Variants in PTPRN2 observed in about 807,000 individuals in gnomAD.
The protein encoded by PTPRN2 is receptor-type tyrosine-protein phosphatase N2.
A neutral mutation model predicts 118.8 loss-of-function variants in PTPRN2; 74 were observed. That is an observed-to-expected ratio of 0.62 (90% CI 0.52 to 0.76). PTPRN2 has a LOEUF of 0.76. Ranked by LOEUF, PTPRN2 falls within the 30% of genes least tolerant of loss-of-function variation. The pLI is 0.00. For missense variants in PTPRN2, 1,481 were observed against 1,394.4 expected (o/e 1.06, Z -0.99); for synonymous variants, 641 against 608.0 (o/e 1.05, Z -0.80).
intron 1 of PTPRN2, among the ~76,000 whole-genome samples, chr7:158,567,764 A>AC (rs954431196): frequency 9.9e-5 from 15 of 151,786 alleles, no homozygotes; most frequent in African/African-American, 2.7e-4. Context: ...TGGGGGCTGC[A>AC]CCCCCCCACA....
At chr7:157,661,370 C>T (rs1029367929) in intron 13 of PTPRN2, among the ~76,000 whole-genome samples, 1 of 152,178 alleles carries the variant, frequency 6.6e-6, no homozygotes, top group East Asian at 1.9e-4. Flanking sequence ...CAGAGGGAGA[C>T]GCTGCCGTGG....
In PTPRN2 at chr7:158,128,084, C is replaced by T. The variant is rs553772337; in HGVS notation, c.1556+5593G>A. Among the ~76,000 whole-genome samples, 110 of 152,284 alleles carry T rather than the reference C, an allele frequency of 7.2e-4. 1 individual carries two copies. Among genetic ancestry groups the T allele is most frequent in the Middle Eastern group, 3.4e-3 (1 of 294 alleles). ...GTGACACCGAGTTCTAAACCACATT[C>T]CTCTCCTTTCTGTGGGACAACCAAA... On this transcript the variant is annotated intron_variant, in intron 9 of 22. Transcript: ENST00000389418.
intron 2 of PTPRN2, among the ~76,000 whole-genome samples, chr7:158,343,467 G>A (rs771571722): frequency 5.2e-4 from 79 of 152,300 alleles, no homozygotes; most frequent in Admixed American, 1.4e-3. Context: ...GGGCAGGAAC[G>A]TAACCTGATG....
intron 21 of PTPRN2, among the ~76,000 whole-genome samples, chr7:157,553,244 C>G (rs1798719907): frequency 6.6e-6 from 1 of 152,176 alleles, no homozygotes; most frequent in African/African-American, 2.4e-5. Flanking sequence ...GTCCCTGAAA[C>G]TTCTTTTTTA....
chr7:157,746,391 A>C (rs1411974888), intron 12 of PTPRN2, among the ~76,000 whole-genome samples: 31 of 105,772 alleles, frequency 2.9e-4, no homozygotes, highest in South Asian at 6.4e-4. Context: ...AGATCACGGG[A>C]CTCCCCGCAC....
At chr7:157,614,176 G>A in intron 15 of PTPRN2, 13 of 462,658 alleles carry the variant, frequency 2.8e-5, no homozygotes, top group South Asian at 2.1e-4. Flanking sequence ...GGAGGGCCAG[G>A]GTGGAGCTCA....
intron 5 of PTPRN2, among the ~76,000 whole-genome samples, chr7:158,170,972 T>G (rs1375599130): frequency 4.7e-5 from 7 of 149,688 alleles, no homozygotes; most frequent in Non-Finnish European, 1.0e-4. Context: ...CCTTCATATA[T>G]ATACATACAT....
At chr7:158,171,308 C>CAT (rs71198580) in intron 5 of PTPRN2, among the ~76,000 whole-genome samples, 1,859 of 48,500 alleles carry the variant, frequency 0.038, 43 homozygotes, top group Middle Eastern at 0.062. Context: ...TATATACACA[C>CAT]ATATATATAT....
chr7:158,340,590 G>T (rs867815151), intron 2 of PTPRN2, among the ~76,000 whole-genome samples: 13 of 108,770 alleles, frequency 1.2e-4, no homozygotes, highest in South Asian at 6.8e-4. Context: ...GCCGACGCCC[G>T]CAGACATCAC....
intron 11 of PTPRN2, among the ~76,000 whole-genome samples, chr7:158,071,004 G>A (rs1811372601): frequency 1.2e-5 from 1 of 82,838 alleles, no homozygotes; most frequent in African/African-American, 5.9e-5. Context: ...GGTGCTCATG[G>A]TGGTGGAGGT....
intron 1 of PTPRN2, among the ~76,000 whole-genome samples, chr7:158,511,733 C>T (rs1406743252): frequency 6.6e-6 from 1 of 152,214 alleles, no homozygotes; most frequent in African/African-American, 2.4e-5. Flanking sequence ...GCAGCATGCT[C>T]ACAGCTCCTT....
In PTPRN2 at chr7:158,407,222, GTCCTGGGTCCTGGGTCCTGGGTCCTGC is replaced by G. The variant is rs1563254618; in HGVS notation, c.163+82486_163+82512del. On this transcript the variant is annotated intron_variant, in intron 2 of 22. Coordinates refer to ENST00000389418, the MANE Select transcript of PTPRN2 (RefSeq NM_002847.5). ...CTGGGTCCTGGGTCCTGCGTCCTGC[GTCCTGGGTCCTGGGTCCTGGGTCCTGC>G]GTCCTGGGTCCTGGGTCCTGGGTCC... Among the ~76,000 whole-genome samples the G allele has an allele frequency of 6.6e-4, 23 of 34,760 alleles. 1 individual carries two copies. Among genetic ancestry groups the G allele is most frequent in the African/African-American group, 2.2e-3 (21 of 9,698 alleles). The allele number at this position is 34,760 out of a possible 152,430, so 22.8% of individuals were successfully genotyped here.
chr7:157,624,893 C>A (rs1019064215), intron 14 of PTPRN2, among the ~76,000 whole-genome samples: 2 of 151,766 alleles, frequency 1.3e-5, no homozygotes, highest in Admixed American at 1.3e-4. Flanking sequence ...GAAAAAAAAA[C>A]ACAATCCTAT....
At chr7:157,597,217 A>G (rs1267121441) in intron 16 of PTPRN2, among the ~76,000 whole-genome samples, 1 of 152,242 alleles carries the variant, frequency 6.6e-6, no homozygotes, top group Non-Finnish European at 1.5e-5. Flanking sequence ...CTTTTTGTGC[A>G]TCTGATTTAG....
At chr7:158,389,328 A>C (rs1811746504) in intron 2 of PTPRN2, among the ~76,000 whole-genome samples, 1 of 152,272 alleles carries the variant, frequency 6.6e-6, no homozygotes, top group Non-Finnish European at 1.5e-5. Context: ...GACCACACGA[A>C]GTGAAAGCGC....
chr7:158,081,313 C>A lies in PTPRN2; in HGVS notation c.1708G>T (p.Val570Leu). The change falls in exon 11 of 23, where the codon GTG (valine) becomes TTG (leucine). Residue 570 changes from valine to leucine, a missense_variant. Physicochemically the swap from Val to Leu is conservative, Grantham distance 32 (BLOSUM62 1). Transcript: ENST00000389418. ...ANVQNVTTED[V>L]EKATVDNKDK... ...ACAGCCTCACCTGTGGCCTTCTCCA[C>A]ATCCTCAGTGGTCACGTTTTGGACA... is the stretch of plus-strand genomic sequence containing the variant. 6.2e-7 allele frequency: 1 copy of A among 1,614,148 alleles called. No homozygotes were observed. The highest frequency in any genetic ancestry group is 8.5e-7 in the Non-Finnish European group (1 of 1,179,978).
Position 158,012,285 on chromosome 7 carries a change from G to T in PTPRN2, c.1723+69013C>A, listed in dbSNP as rs144598336. ...GGGAATGAAGGGGGAACTGCCGGGG[G>T]CTGATACATAGATGACACGACGCTG... On this transcript the variant is annotated intron_variant, in intron 11 of 22. Transcript: ENST00000389418. Among the ~76,000 whole-genome samples, 289 of 151,790 alleles carry T rather than the reference G, an allele frequency of 1.9e-3. 2 individuals are homozygous for T. The highest frequency in any genetic ancestry group is 6.6e-3 in the African/African-American group (273 of 41,428).
intron 10 of PTPRN2, among the ~76,000 whole-genome samples, chr7:158,096,831 A>C (rs1367140234): frequency 6.6e-6 from 1 of 152,232 alleles, no homozygotes; most frequent in Non-Finnish European, 1.5e-5. Flanking sequence ...TGGTGGATAC[A>C]CCACATCCAG....
intron 12 of PTPRN2, among the ~76,000 whole-genome samples, chr7:157,852,470 T>A (rs1809345947): frequency 6.6e-6 from 1 of 152,232 alleles, no homozygotes; most frequent in Non-Finnish European, 1.5e-5. Flanking sequence ...ATTTTTAAAT[T>A]GAAAGTTTAA....
Sources: gnomAD v4.1 joint callset for allele counts (sites outside exome capture counted in the v4.1 genomes callset) on GRCh38, gnomAD v4.1.1 for gene constraint, MANE v1.5 for transcripts, NCBI Gene and HGNC (gene_info 2026-07-23, HGNC 2026-07-21) for gene names.